Variants in SAR1A observed in about 807,000 individuals in gnomAD.
SAR1A encodes the protein small COPII coat GTPase SAR1A.
A neutral mutation model predicts 22.6 loss-of-function variants in SAR1A; 6 were observed. The observed-to-expected ratio is 0.27, with a 90% CI of 0.15 to 0.52. SAR1A has a LOEUF of 0.52. SAR1A is among the 20% of genes least tolerant of loss of function. The pLI is 0.96. For missense variants in SAR1A, 145 were observed against 245.1 expected (o/e 0.59, Z 2.73); for synonymous variants, 70 against 82.2 (o/e 0.85, Z 0.80).
At position 70,158,412 on chromosome 10, in the gene SAR1A, T is replaced by G. The variant is rs535483875; in HGVS notation, c.245-545A>C. Reference sequence around the variant, plus strand: ...TCCTCTGCTCAGCCCTTAGGGAGACTAGGCCTGACAAGTGGTTCAAGGCCC... The same window carrying G: ...TCCTCTGCTCAGCCCTTAGGGAGACGAGGCCTGACAAGTGGTTCAAGGCCC... On this transcript the variant is annotated intron_variant, in intron 4 of 6. Transcript: ENST00000373241. Among the ~76,000 whole-genome samples, 117 of 152,354 alleles carry G rather than the reference T, an allele frequency of 7.7e-4. 1 individual carries two copies. The highest frequency in any genetic ancestry group is 2.6e-3 in the African/African-American group (109 of 41,594).
intron 1 of SAR1A, 111 bp from the exon 2 acceptor site, chr10:70,162,042 C>T (rs745659895): frequency 2.4e-5 from 19 of 799,204 alleles, no homozygotes; most frequent in Admixed American, 2.0e-4. Context: ...CTCTTGTTTT[C>T]GGGAATAAGA....
In SAR1A at chr10:70,149,923, T is replaced by C. The variant is rs901478923; in HGVS notation, c.*2553A>G. 15 of 152,198 alleles carry C rather than the reference T, an allele frequency of 9.9e-5. No individual in the cohort carries two copies. Among genetic ancestry groups the C allele is most frequent in the Non-Finnish European group, 5.9e-5 (4 of 68,050 alleles). 9.4% of individuals were successfully genotyped at this position (152,198 alleles called of 1,614,324 possible). A position where few individuals can be genotyped will look rare whatever the true frequency, so the allele number is the denominator to read the frequency against. On this transcript the variant is annotated 3_prime_UTR_variant, in exon 7 of 7. Transcript: ENST00000373241. Reference sequence around the variant, plus strand: ...ACTAGTCCTTGCTAGCATGTTAATATAGATTTTGCTCAAACATCTGCCATC... The same window carrying C: ...ACTAGTCCTTGCTAGCATGTTAATACAGATTTTGCTCAAACATCTGCCATC...
At chr10:70,158,838 T>A (rs1276685916) in intron 4 of SAR1A, among the ~76,000 whole-genome samples, 1 of 152,006 alleles carries the variant, frequency 6.6e-6, no homozygotes, top group Non-Finnish European at 1.5e-5. Flanking sequence ...TATGTAAAAG[T>A]GTTTTTGTTA....
intron 6 of SAR1A, among the ~76,000 whole-genome samples, chr10:70,153,415 C>G (rs115982036): frequency 6.6e-6 from 1 of 152,146 alleles, no homozygotes; most frequent in East Asian, 1.9e-4. Context: ...CTACCTCTCT[C>G]AGCAAGAAGC....
rs1839323190 is a variant in SAR1A at position 70,151,262 on chromosome 10, A to AAAAAAAAAAAAAAAAAAAAAAAC, written c.*1191_*1213dup. 1.7e-5 allele frequency: 1 copy of AAAAAAAAAAAAAAAAAAAAAAAC among 58,624 alleles called. No homozygotes were observed. The highest frequency in any genetic ancestry group is 4.2e-5 in the Non-Finnish European group (1 of 23,558). The allele number at this position is 58,624 out of a possible 1,614,324, so 3.6% of individuals were successfully genotyped here. ...ATGGAGAAAGACAATTTCATACCAA[A>AAAAAAAAAAAAAAAAAAAAAAAC]AAAAAAAAAAAAAAAAAAAAAACCT... On this transcript the variant is annotated 3_prime_UTR_variant, in exon 7 of 7. Transcript: ENST00000373241.
rs532670826 is a variant in SAR1A, at chr10:70,163,568, T to G, written c.-16-1637A>C. 3 of 577,052 alleles carry G rather than the reference T, an allele frequency of 5.2e-6. No homozygotes were observed. In the South Asian group the frequency reaches 5.9e-5, roughly 11 times the overall value. 35.7% of individuals were successfully genotyped at this position (577,052 alleles called of 1,614,324 possible). ...TGAAAATCCTAGGACCCATACTCAT[T>G]TACCATTTTGAAAATCCTAGGGCCC... On this transcript the variant is annotated intron_variant, in intron 1 of 6. Transcript: ENST00000373241.
chr10:70,152,299 G>A lies in SAR1A; in HGVS notation c.*177C>T, dbSNP rs868134984. 2.1e-5 allele frequency: 20 copies of A among 956,438 alleles called. No homozygotes were observed. The highest frequency in any genetic ancestry group is 1.8e-4 in the African/African-American group (11 of 61,770). 59.2% of individuals were successfully genotyped at this position (956,438 alleles called of 1,614,324 possible). On this transcript the variant is annotated 3_prime_UTR_variant, in exon 7 of 7. Transcript: ENST00000373241. Reference sequence around the variant, plus strand: ...CGTGGGGCAGCATTACCTCCCAACAGTGTGGAGAAGAGCACATGTCACCAC... The same window carrying A: ...CGTGGGGCAGCATTACCTCCCAACAATGTGGAGAAGAGCACATGTCACCAC...
At chr10:70,161,103 GTCAAC>G (rs773491684) in intron 3 of SAR1A, 34 bp from the exon 4 acceptor site, 1 of 1,524,048 alleles carries the variant, frequency 6.6e-7, no homozygotes, top group South Asian at 1.1e-5. Context: ...AAAAAAACTT[GTCAAC>G]TCAACAACCC....
chr10:70,157,537 G>A (rs971328836), intron 5 of SAR1A: 9 of 481,778 alleles, frequency 1.9e-5, no homozygotes, highest in African/African-American at 1.8e-4. Context: ...ATCACTGTAT[G>A]ATAGAAACAA....
intron 3 of SAR1A, chr10:70,161,276 G>A (rs1766513370): frequency 5.4e-6 from 3 of 554,542 alleles, no homozygotes; most frequent in Non-Finnish European, 9.5e-6. Flanking sequence ...ACCAGCCCAG[G>A]CAACGCCCCA....
Position 70,148,790 on chromosome 10 carries a change from AAAACAAACAAAC to A in SAR1A, c.*3674_*3685del, listed in dbSNP as rs35980620. On this transcript the variant is annotated 3_prime_UTR_variant, in exon 7 of 7. Transcript: ENST00000373241. ...GGGCGACAGAGTGAGACCAACTCAA[AAAACAAACAAAC>A]AAACAAACAAACAAACTTTCTCTCT... 6.5e-6 allele frequency: 1 copy of A among 152,776 alleles called. No individual in the cohort carries two copies. Among genetic ancestry groups the A allele is most frequent in the Non-Finnish European group, 1.4e-5 (1 of 69,482 alleles). The allele number at this position is 152,776 out of a possible 1,614,324, so 9.5% of individuals were successfully genotyped here.
intron 5 of SAR1A, among the ~76,000 whole-genome samples, chr10:70,154,262 C>T (rs1839359844): frequency 6.6e-6 from 1 of 152,198 alleles, no homozygotes; most frequent in African/African-American, 2.4e-5. Flanking sequence ...ATCTGCTCAG[C>T]CACAAACTAT....
chr10:70,169,600 G>A (rs894220868), intron 1 of SAR1A, among the ~76,000 whole-genome samples: 2 of 152,174 alleles, frequency 1.3e-5, no homozygotes, highest in Non-Finnish European at 2.9e-5. Context: ...CGCATTACTT[G>A]TTATACATAA....
At position 70,157,401 on chromosome 10, in the gene SAR1A, CAAAAAAAAAAAAAAAA is replaced by C. The variant is rs55801259; in HGVS notation, c.348+347_348+362del. Among the ~76,000 whole-genome samples, 20 of 131,260 alleles carry C rather than the reference CAAAAAAAAAAAAAAAA, an allele frequency of 1.5e-4. No individual in the cohort carries two copies. In the South Asian group the frequency reaches 4.4e-3, roughly 29 times the overall value. 86.1% of individuals were successfully genotyped at this position (131,260 alleles called of 152,430 possible). A position where few individuals can be genotyped will look rare whatever the true frequency, so the allele number is the denominator to read the frequency against. The stretch of plus-strand genomic sequence containing the variant: ...CCTGGGCAACAGAGCAAGACTCCGT[CAAAAAAAAAAAAAAAA>C]AAAAAAAAAAAACAGAATTACTGTT... On this transcript the variant is annotated intron_variant, in intron 5 of 6. Coordinates refer to ENST00000373241, the MANE Select transcript of SAR1A (RefSeq NM_020150.5).
intron 4 of SAR1A, among the ~76,000 whole-genome samples, chr10:70,158,640 G>A (rs987335031): frequency 6.6e-6 from 1 of 151,836 alleles, no homozygotes; most frequent in African/African-American, 2.4e-5. Flanking sequence ...TACCTTTAAA[G>A]AGTGGAGCTA....
intron 3 of SAR1A, 34 bp from the exon 4 acceptor site, chr10:70,161,103 G>C (rs890040902): frequency 6.6e-7 from 1 of 1,524,048 alleles, no homozygotes; most frequent in Non-Finnish European, 9.1e-7. Flanking sequence ...AAAAAAACTT[G>C]TCAACTCAAC....
chr10:70,155,717 C>G (rs143181504), intron 5 of SAR1A, among the ~76,000 whole-genome samples: 20 of 152,216 alleles, frequency 1.3e-4, no homozygotes, highest in African/African-American at 4.8e-4. Context: ...ACTCTGAGGT[C>G]TCTTATAGAA....
In SAR1A at chr10:70,163,265, G is replaced by A. The variant is rs534689695; in HGVS notation, c.-16-1334C>T. Among the ~76,000 whole-genome samples, 4 of 152,278 alleles carry A rather than the reference G, an allele frequency of 2.6e-5. 1 individual carries two copies. The South Asian group carries it at 6.2e-4, about 24-fold the overall frequency. On this transcript the variant is annotated intron_variant, in intron 1 of 6. Coordinates refer to ENST00000373241, the MANE Select transcript of SAR1A (RefSeq NM_020150.5). ...AATAATAATAAAATAAAAACACGAG[G>A]TAAAAAAGCAAGTGCTGATGTAGAA... is the stretch of plus-strand genomic sequence containing the variant.
rs764329400 is a variant in SAR1A, at chr10:70,152,179, C to T, written c.*297G>A. 2.4e-5 allele frequency: 10 copies of T among 419,202 alleles called. No homozygotes were observed. Among genetic ancestry groups the T allele is most frequent in the East Asian group, 5.3e-5 (1 of 18,884 alleles). 26.0% of individuals were successfully genotyped at this position (419,202 alleles called of 1,614,324 possible). On this transcript the variant is annotated 3_prime_UTR_variant, in exon 7 of 7. Coordinates refer to ENST00000373241, the MANE Select transcript of SAR1A (RefSeq NM_020150.5). The stretch of plus-strand genomic sequence containing the variant: ...TTTTGAATCAACCACAGTGGTGAGA[C>T]GTGTTTTTCTTTTCAGGTGCCCCAT...
Sources: gnomAD v4.1 joint callset for allele counts (sites outside exome capture counted in the v4.1 genomes callset) on GRCh38, gnomAD v4.1.1 for gene constraint, MANE v1.5 for transcripts, NCBI Gene and HGNC (gene_info 2026-07-23, HGNC 2026-07-21) for gene names.